The following ABCA1 variants were observed in gnomAD, a reference collection of about 807,000 sequenced individuals.
ABCA1 encodes the protein phospholipid-transporting ATPase ABCA1.
ABCA1 carries 133 observed loss-of-function variants against 262.5 expected under a neutral mutation model. The ratio of observed to expected loss-of-function variants is 0.51; its 90% CI spans 0.44 to 0.59. The LOEUF (loss-of-function observed/expected upper bound fraction) is 0.59. Among genes scored for constraint, ABCA1 ranks in the 20% least tolerant of loss-of-function variants. ABCA1 has a pLI of 0.00. For missense variants in ABCA1, 2,452 were observed against 2,777.5 expected (o/e 0.88, Z 2.63); for synonymous variants, 1,022 against 1,043.5 (o/e 0.98, Z 0.40).
At chr9:104,878,903 C>T (rs1180826682) in intron 5 of ABCA1, among the ~76,000 whole-genome samples, 1 of 151,924 alleles carries the variant, frequency 6.6e-6, no homozygotes, top group African/African-American at 2.4e-5. Context: ...GATAAACTTC[C>T]CAACTGGATC....
chr9:104,910,256 T>C (rs1345559635), intron 1 of ABCA1, among the ~76,000 whole-genome samples: 1 of 152,226 alleles, frequency 6.6e-6, no homozygotes, highest in Non-Finnish European at 1.5e-5. Context: ...GTCGTATTAG[T>C]AGATAAAATC....
At chr9:104,821,669 C>T (rs1291751011) in intron 19 of ABCA1, among the ~76,000 whole-genome samples, 163 bp from the exon 20 acceptor site, 1 of 152,132 alleles carries the variant, frequency 6.6e-6, no homozygotes, top group Admixed American at 6.5e-5. Flanking sequence ...TGTCCTTTTG[C>T]TTCGGTAAAT....
chr9:104,902,179 T>C (rs1443359899), intron 2 of ABCA1, among the ~76,000 whole-genome samples: 2 of 152,314 alleles, frequency 1.3e-5, no homozygotes, highest in East Asian at 3.9e-4. Context: ...TTTGTTTTCA[T>C]TTCAACAGTC....
intron 45 of ABCA1, 126 bp from the exon 46 acceptor site, chr9:104,788,180 T>C: frequency 8.1e-7 from 1 of 1,239,782 alleles, no homozygotes; most frequent in African/African-American, 1.5e-5. Context: ...ACCTGACAAC[T>C]GGTGAGGAGC....
chr9:104,799,548 T>C (rs747326738), intron 36 of ABCA1: 19 of 982,184 alleles, frequency 1.9e-5, no homozygotes, highest in Non-Finnish European at 2.2e-5. Flanking sequence ...AAATTATAAT[T>C]TAATTAACAA....
Position 104,814,147 on chromosome 9 carries a change from G to A in ABCA1, c.3872C>T (p.Ala1291Val), listed in dbSNP as rs1831520438. 2 of 1,614,088 alleles carry A rather than the reference G, an allele frequency of 1.2e-6. No individual in the cohort carries two copies. The highest frequency in any genetic ancestry group is 1.7e-5 in the Admixed American group (1 of 60,006). ...GTCTATGTCAGAATCATTTGGATCA[G>A]CAGCATCATCTTCAGTGAACGGGCG... is the stretch of plus-strand genomic sequence containing the variant. ...CLRPFTEDDA[A>V]DPNDSDIDPE... Residue 1291 changes from alanine (A) to valine (V), a missense_variant, in exon 27 of 50, where the codon GCT (alanine) becomes GTT (valine). Transcript: ENST00000374736.
chr9:104,800,676 T>C lies in ABCA1; in HGVS notation c.4699-92A>G, dbSNP rs1830256379. 5 of 1,133,830 alleles carry C rather than the reference T, an allele frequency of 4.4e-6. No homozygotes were observed. The Admixed American group carries it at 5.1e-5, about 11-fold the overall frequency. 70.2% of individuals were successfully genotyped at this position (1,133,830 alleles called of 1,614,324 possible). A position where few individuals can be genotyped will look rare whatever the true frequency, so the allele number is the denominator to read the frequency against. ...GAACCTGTGGACAACAGGACGGCCC[T>C]GTGAAGAGCAATGCCACTACCTTGT... On this transcript the variant is annotated intron_variant, in intron 34 of 49. Transcript: ENST00000374736.
intron 1 of ABCA1, among the ~76,000 whole-genome samples, chr9:104,909,128 T>C (rs1312060253): frequency 6.6e-6 from 1 of 152,176 alleles, no homozygotes; most frequent in Non-Finnish European, 1.5e-5. Context: ...GGAAGAGGAA[T>C]AGTAGATAAA....
At chr9:104,852,611 C>T (rs926388542) in intron 7 of ABCA1, among the ~76,000 whole-genome samples, 4 of 152,152 alleles carry the variant, frequency 2.6e-5, no homozygotes, top group African/African-American at 7.2e-5. Context: ...CATATTAACA[C>T]ACTGCTATAT....
chr9:104,880,886 C>T (rs922645419), intron 5 of ABCA1, among the ~76,000 whole-genome samples: 1 of 152,208 alleles, frequency 6.6e-6, no homozygotes, highest in Non-Finnish European at 1.5e-5. Flanking sequence ...CATGGTGGCT[C>T]ATGCCTGTAA....
chr9:104,819,875 T>C, intron 21 of ABCA1, 52 bp downstream of exon 21: 3 of 1,609,148 alleles, frequency 1.9e-6, no homozygotes, highest in East Asian at 2.2e-5. Context: ...TCCGCATGTG[T>C]GTAGCCGGAG....
At position 104,799,883 on chromosome 9, in the gene ABCA1, A is replaced by G. The variant is rs1221825339; in HGVS notation, c.4879T>C (p.Tyr1627His). The G allele has an allele frequency of 2.5e-6, 4 of 1,614,170 alleles. No homozygotes were observed. Among genetic ancestry groups the G allele is most frequent in the Non-Finnish European group, 3.4e-6 (4 of 1,180,036 alleles). ...NLQKGENPSH[Y>H]GITAFNHPLN... ...GGATGATTGAAAGCAGTAATTCCAT[A>G]ATGGCTAGGGTTCTCTCCCTTTTGC... The change falls in exon 36 of 50, where the codon TAT (tyrosine) becomes CAT (histidine). Residue 1627 changes from tyrosine to histidine, a missense_variant. Physicochemically the swap from Tyr to His is moderately conservative, Grantham distance 83. Transcript: ENST00000374736.
Position 104,861,669 on chromosome 9 carries a change from A to C in ABCA1, c.543+10T>G, listed in dbSNP as rs1836399884. 3 of 1,614,182 alleles carry C rather than the reference A, an allele frequency of 1.9e-6. No homozygotes were observed. The highest frequency in any genetic ancestry group is 2.7e-5 in the African/African-American group (2 of 75,060). ...CAGCCCTACTGAGGAAGCTGGAGGC[A>C]TCAGCTTACCTTGTGGAGAATGACA... On this transcript the variant is annotated intron_variant, in intron 6 of 49. Transcript: ENST00000374736.
At chr9:104,788,262 C>T (rs1829100842) in intron 45 of ABCA1, among the ~76,000 whole-genome samples, 164 bp downstream of exon 45, 1 of 152,080 alleles carries the variant, frequency 6.6e-6, no homozygotes, top group Non-Finnish European at 1.5e-5. Flanking sequence ...TGCCCCACCA[C>T]CGTTACAGGT....
intron 5 of ABCA1, among the ~76,000 whole-genome samples, chr9:104,871,518 C>T (rs555005893): frequency 5.3e-5 from 8 of 152,118 alleles, no homozygotes; most frequent in Non-Finnish European, 1.2e-4. Context: ...TGGAAGGGCA[C>T]AGTCAGCCTG....
Position 104,810,801 on chromosome 9 carries a change from T to G in ABCA1, c.4174A>C (p.Ser1392Arg). The change falls in exon 29 of 50, where the codon AGC (serine) becomes CGC (arginine). Residue 1392 changes from serine (S) to arginine (R), a missense_variant and splice_region_variant. Coordinates refer to ENST00000374736, the MANE Select transcript of ABCA1 (RefSeq NM_005502.4). ...CTGGGATGTAGAAGACAAACATACCTGACAAATGTGTACTGTTCGTTGTAC... is the reference window on the plus strand; with the variant it reads ...CTGGGATGTAGAAGACAAACATACCGGACAAATGTGTACTGTTCGTTGTAC... ...WMYNEQYTFV[S>R]NDAPEDTGTL... is the part of the protein sequence containing the mutation. 6.2e-7 allele frequency: 1 copy of G among 1,614,230 alleles called. No homozygotes were observed. The highest frequency in any genetic ancestry group is 8.5e-7 in the Non-Finnish European group (1 of 1,180,036).
chr9:104,845,873 G>C (rs1834824893), intron 7 of ABCA1, among the ~76,000 whole-genome samples: 1 of 152,192 alleles, frequency 6.6e-6, no homozygotes, highest in Non-Finnish European at 1.5e-5. Context: ...ATACAACTCT[G>C]ACCGCAAATT....
intron 2 of ABCA1, among the ~76,000 whole-genome samples, chr9:104,895,455 G>C (rs1840109735): frequency 6.6e-6 from 1 of 152,072 alleles, no homozygotes; most frequent in Non-Finnish European, 1.5e-5. Flanking sequence ...TACATTCCCA[G>C]GATTGTGACA....
chr9:104,906,788 T>C (rs1453184506), intron 1 of ABCA1, among the ~76,000 whole-genome samples: 1 of 149,044 alleles, frequency 6.7e-6, no homozygotes, highest in Non-Finnish European at 1.5e-5. Context: ...GAGACAGTAC[T>C]ATGTACTAGA....
Sources: allele counts gnomAD v4.1 joint callset (sites outside exome capture counted in the v4.1 genomes callset), GRCh38; gene constraint gnomAD v4.1.1; transcripts MANE v1.5; gene names NCBI Gene and HGNC (gene_info 2026-07-23, HGNC 2026-07-21).